The following CNOT4 variants were observed in gnomAD, a reference collection of about 807,000 sequenced individuals.
The protein encoded by CNOT4 is CCR4-associated factor 4.
CNOT4 carries 8 observed loss-of-function variants against 73.8 expected under a neutral mutation model. The ratio of observed to expected loss-of-function variants is 0.11; its 90% CI spans 0.06 to 0.20. The LOEUF (loss-of-function observed/expected upper bound fraction) is 0.20, where lower values mean the gene tolerates loss of function less well. Among genes scored for constraint, CNOT4 ranks in the 10% least tolerant of loss-of-function variants. CNOT4 has a pLI of 1.00. For missense variants in CNOT4, 564 were observed against 883.4 expected (o/e 0.64, Z 4.58); for synonymous variants, 293 against 321.1 (o/e 0.91, Z 0.94).
chr7:135,367,147 C>G (rs115391443), intron 10 of CNOT4, among the ~76,000 whole-genome samples: 2 of 152,026 alleles, frequency 1.3e-5, no homozygotes, highest in Non-Finnish European at 2.9e-5. Flanking sequence ...TGTCTTTAGA[C>G]GTTGAAAATG....
At chr7:135,480,280 A>G (rs768773631) in intron 1 of CNOT4, among the ~76,000 whole-genome samples, 1 of 152,172 alleles carries the variant, frequency 6.6e-6, no homozygotes, top group Non-Finnish European at 1.5e-5. Flanking sequence ...CCAAAACTTG[A>G]TCATAATCAT....
rs563667229 is a variant in CNOT4, at chr7:135,432,998, T to C, written c.174+5160A>G. Among the ~76,000 whole-genome samples, 8 of 152,324 alleles carry C rather than the reference T, an allele frequency of 5.3e-5. No homozygotes were observed. The South Asian group carries it at 1.7e-3, about 32-fold the overall frequency. ...TATTTCCAAATAAAAAAGTTTGTGC[T>C]GGACACTTGATAGGCCCTTTCAATC... On this transcript the variant is annotated intron_variant, in intron 2 of 11. Transcript: ENST00000541284.
At chr7:135,380,732 G>A (rs1795799393) in intron 10 of CNOT4, among the ~76,000 whole-genome samples, 1 of 152,164 alleles carries the variant, frequency 6.6e-6, no homozygotes, top group Admixed American at 6.5e-5. Flanking sequence ...ACATTTACAT[G>A]GTGAGGGCTA....
chr7:135,474,056 T>C (rs1801823991), intron 1 of CNOT4, among the ~76,000 whole-genome samples: 1 of 147,730 alleles, frequency 6.8e-6, no homozygotes, highest in South Asian at 2.2e-4. Context: ...CTCAGCTCAC[T>C]GCAACCTCTG....
intron 3 of CNOT4, among the ~76,000 whole-genome samples, chr7:135,418,284 A>T (rs1797980846): frequency 6.6e-6 from 1 of 152,254 alleles, no homozygotes; most frequent in African/African-American, 2.4e-5. Context: ...ATAGTATTCT[A>T]GTGAACTAAC....
intron 1 of CNOT4, among the ~76,000 whole-genome samples, chr7:135,471,517 T>C (rs1280774018): frequency 6.6e-6 from 1 of 152,120 alleles, no homozygotes; most frequent in Non-Finnish European, 1.5e-5. Flanking sequence ...AAAGACTAAG[T>C]TTAAAGAAAT....
intron 1 of CNOT4, among the ~76,000 whole-genome samples, chr7:135,462,775 T>C (rs1361814258): frequency 1.3e-5 from 2 of 152,356 alleles, no homozygotes; most frequent in Non-Finnish European, 2.9e-5. Flanking sequence ...TAGGTTTCTA[T>C]AGACCTGAGC....
rs983665084 is a variant in CNOT4, at chr7:135,510,051, T to A, written c.-255A>T. ...TGAGAGAGAGACTCTCAGCTTTCGG[T>A]GGGTTCCACAGCCAGACGGGCCACC... is the stretch of plus-strand genomic sequence containing the variant. On this transcript the variant is annotated 5_prime_UTR_variant, in exon 1 of 12. Coordinates refer to ENST00000541284, the MANE Select transcript of CNOT4 (RefSeq NM_001190850.2). 1 of 398,694 alleles carries A rather than the reference T, an allele frequency of 2.5e-6. No homozygotes were observed. Among genetic ancestry groups the A allele is most frequent in the African/African-American group, 2.1e-5 (1 of 48,520 alleles). The allele number at this position is 398,694 out of a possible 1,614,324, so 24.7% of individuals were successfully genotyped here. A position where few individuals can be genotyped will look rare whatever the true frequency, so the allele number is the denominator to read the frequency against.
rs1795511794 is a variant in CNOT4, at chr7:135,368,106, T to G, written c.1628-4040A>C. 2.0e-5 allele frequency among the ~76,000 whole-genome samples: 3 copies of G among 152,080 alleles called. No individual in the cohort carries two copies. In the South Asian group the frequency reaches 6.2e-4, roughly 32 times the overall value. On this transcript the variant is annotated intron_variant, in intron 10 of 11. Transcript: ENST00000541284. The stretch of plus-strand genomic sequence containing the variant: ...AGTGTAGAACTCAAAGGCACACAAT[T>G]TAAAGTACTTTCAAGATGCGACGTG...
chr7:135,398,230 T>C lies in CNOT4; in HGVS notation c.822-4A>G. 1.4e-6 allele frequency: 2 copies of C among 1,473,890 alleles called. No homozygotes were observed. Among genetic ancestry groups the C allele is most frequent in the Non-Finnish European group, 1.9e-6 (2 of 1,056,316 alleles). 91.3% of individuals were successfully genotyped at this position (1,473,890 alleles called of 1,614,324 possible). A position where few individuals can be genotyped will look rare whatever the true frequency, so the allele number is the denominator to read the frequency against. The stretch of plus-strand genomic sequence containing the variant: ...ATCTGAAGGTTTGTCAATGGGGCTA[T>C]AAAAAGAAAACAAATTGAATAAAAT... On this transcript the variant is annotated splice_polypyrimidine_tract_variant and splice_region_variant and intron_variant, in intron 7 of 11. Coordinates refer to ENST00000541284, the MANE Select transcript of CNOT4 (RefSeq NM_001190850.2).
intron 10 of CNOT4, among the ~76,000 whole-genome samples, chr7:135,372,601 G>C (rs1795278601): frequency 6.9e-6 from 1 of 145,764 alleles, no homozygotes; most frequent in Admixed American, 7.2e-5. Context: ...GCGTCGCTCA[G>C]CCTGGAGGGC....
intron 7 of CNOT4, among the ~76,000 whole-genome samples, chr7:135,405,773 C>G (rs1355970027): frequency 6.6e-6 from 1 of 152,104 alleles, no homozygotes; most frequent in Non-Finnish European, 1.5e-5. Flanking sequence ...GGGACCATGT[C>G]AGGGTTCAGT....
At chr7:135,478,056 CAT>C (rs1220048809) in intron 1 of CNOT4, among the ~76,000 whole-genome samples, 17 of 151,896 alleles carry the variant, frequency 1.1e-4, no homozygotes, top group African/African-American at 1.9e-4. Flanking sequence ...TTTGTGAAAA[CAT>C]ATTTATATGT....
chr7:135,451,582 C>T (rs1320055407), intron 1 of CNOT4, among the ~76,000 whole-genome samples: 11 of 152,104 alleles, frequency 7.2e-5, no homozygotes, highest in African/African-American at 2.4e-4. Flanking sequence ...TATGAGCTAC[C>T]ACACCCAGCC....
At chr7:135,376,983 G>A (rs1332377300) in intron 10 of CNOT4, among the ~76,000 whole-genome samples, 3 of 152,122 alleles carry the variant, frequency 2.0e-5, no homozygotes, top group Admixed American at 1.3e-4. Flanking sequence ...AAAACTAAAT[G>A]AAATGGAGAT....
At chr7:135,461,557 C>T (rs1021328824) in intron 1 of CNOT4, among the ~76,000 whole-genome samples, 16 of 152,164 alleles carry the variant, frequency 1.1e-4, no homozygotes, top group African/African-American at 3.6e-4. Flanking sequence ...AGAGGCCGGG[C>T]GCAGTGGCTC....
intron 1 of CNOT4, among the ~76,000 whole-genome samples, chr7:135,472,199 T>C (rs1801629037): frequency 6.9e-6 from 1 of 144,978 alleles, no homozygotes; most frequent in African/African-American, 2.6e-5. Flanking sequence ...ATATACAGGC[T>C]GGGCGTGGTG....
chr7:135,433,612 C>T (rs1472822039), intron 2 of CNOT4, among the ~76,000 whole-genome samples: 1 of 152,096 alleles, frequency 6.6e-6, no homozygotes, highest in Non-Finnish European at 1.5e-5. Context: ...CCCACCTCAG[C>T]CTCCCAAAAT....
chr7:135,393,337 T>A (rs1480234557), intron 10 of CNOT4, among the ~76,000 whole-genome samples: 1 of 152,208 alleles, frequency 6.6e-6, no homozygotes, highest in Non-Finnish European at 1.5e-5. Context: ...TATCTTTCCT[T>A]GAACAATTTC....
Sources: allele counts gnomAD v4.1 joint callset (sites outside exome capture counted in the v4.1 genomes callset), GRCh38; gene constraint gnomAD v4.1.1; transcripts MANE v1.5; gene names NCBI Gene and HGNC (gene_info 2026-07-23, HGNC 2026-07-21).